The following DMBX1 variants were observed in gnomAD, a reference collection of about 807,000 sequenced individuals.
DMBX1 encodes diencephalon/mesencephalon homeobox protein 1.
Under a neutral mutation model 30.4 loss-of-function variants are expected in DMBX1, and 7 were observed. The ratio of observed to expected loss-of-function variants is 0.23; its 90% CI spans 0.13 to 0.43. The LOEUF (loss-of-function observed/expected upper bound fraction) is 0.43. Ranked by LOEUF, DMBX1 falls within the 20% of genes least tolerant of loss-of-function variation. The pLI is 1.00. For synonymous variants in DMBX1, 222 were observed against 214.2 expected (o/e 1.04, Z -0.32); for missense variants, 460 against 508.5 (o/e 0.90, Z 0.92).
In DMBX1 at chr1:46,510,494, G is replaced by A. The variant is rs776345689; in HGVS notation, c.173G>A (p.Arg58His). 5.9e-5 allele frequency: 95 copies of A among 1,613,832 alleles called. No individual in the cohort carries two copies. Among genetic ancestry groups the A allele is most frequent in the African/African-American group, 1.9e-4 (14 of 74,914 alleles). The change falls in exon 4 of 6, where the codon CGT becomes CAT. Residue 58 changes from arginine to histidine, a missense_variant. Arg to His is a conservative substitution (Grantham distance 29). This residue lies in a region of DMBX1 where 124 missense variants were observed against 144.0 expected (regional missense o/e 0.86). Coordinates refer to ENST00000360032, the MANE Select transcript of DMBX1 (RefSeq NM_172225.2). The surrounding 1 kb of genome is among the most constrained non-coding windows in gnomAD (Gnocchi z 4.1). ...TTTCAAGACATCATCTTGGAGGCCC[G>A]TTATGGTTCCCAGCACCGCAAACAA... ...ERLADIILEA[R>H]YGSQHRKQRR...
chr1:46,512,124 C>G lies in DMBX1; in HGVS notation c.764C>G (p.Pro255Arg), dbSNP rs760128987. The G allele has an allele frequency of 6.2e-7, 1 of 1,614,010 alleles. No individual in the cohort carries two copies. Among genetic ancestry groups the G allele is most frequent in the Non-Finnish European group, 8.5e-7 (1 of 1,179,982 alleles). The change falls in exon 6 of 6, where the codon CCG becomes CGG. Residue 255 changes from proline (P) to arginine (R), a missense_variant. Pro to Arg is a moderately radical substitution (Grantham distance 103). Transcript: ENST00000360032. This position sits in a 1 kb window ranked among gnomAD's most constrained non-coding sequence, Gnocchi z 4.8. The part of the protein sequence containing the change: ...LGPSHSYSSS[P>R]LSLFRLQEQF... ...CCCTCCCACTCCTATTCCTCGTCCC[C>G]GCTGAGCCTCTTCCGTCTGCAGGAG... is the stretch of plus-strand genomic sequence containing the variant.
In DMBX1 at chr1:46,515,757, G is replaced by C. The variant is rs1193104640; in HGVS notation, c.*3263G>C. 6.6e-6 allele frequency among the ~76,000 whole-genome samples: 1 copy of C among 152,220 alleles called. No individual in the cohort carries two copies. Among genetic ancestry groups the C allele is most frequent in the Non-Finnish European group, 1.5e-5 (1 of 68,032 alleles). On this transcript the variant is annotated 3_prime_UTR_variant, in exon 6 of 6. Transcript: ENST00000360032. Reference sequence around the variant, plus strand: ...TACAGGCCCACCACACCTGATGCTGGAGCCCCTCCCAGGCCTGCTGGGCCA... The same window carrying C: ...TACAGGCCCACCACACCTGATGCTGCAGCCCCTCCCAGGCCTGCTGGGCCA...
chr1:46,507,191 G>C, intron 3 of DMBX1, 27 bp downstream of exon 3: 1 of 1,612,974 alleles, frequency 6.2e-7, no homozygotes, highest in Non-Finnish European at 8.5e-7. Context: ...TGGGACCATG[G>C]GGACAGGACT....
chr1:46,494,617 AT>A (rs1665994645), intron 2 of DMBX1, among the ~76,000 whole-genome samples: 3 of 152,132 alleles, frequency 2.0e-5, no homozygotes, highest in African/African-American at 7.2e-5. Flanking sequence ...TTCTTCTCCT[AT>A]CCACTGGGCC....
At chr1:46,509,632 C>T (rs1161125201) in intron 3 of DMBX1, among the ~76,000 whole-genome samples, 1 of 152,136 alleles carries the variant, frequency 6.6e-6, no homozygotes, top group Non-Finnish European at 1.5e-5. Flanking sequence ...GGGTGGTTAT[C>T]ATGTTACCAG....
intron 2 of DMBX1, among the ~76,000 whole-genome samples, chr1:46,506,151 A>G (rs1666232088): frequency 6.6e-6 from 1 of 152,116 alleles, no homozygotes; most frequent in Non-Finnish European, 1.5e-5. Context: ...TCCGCCTCCC[A>G]GGTTCAAGCA....
Position 46,510,714 on chromosome 1 carries a change from G to T in DMBX1, c.333+60G>T. ...CAAACACCAGCCCATCAGTCTGCCC[G>T]CTTGTCCAGGAGCCAGCATGTCATC... On this transcript the variant is annotated intron_variant, in intron 4 of 5. Transcript: ENST00000360032. This position sits in a 1 kb window ranked among gnomAD's most constrained non-coding sequence, Gnocchi z 4.1. The T allele has an allele frequency of 1.3e-6, 2 of 1,559,280 alleles. No homozygotes were observed. The highest frequency in any genetic ancestry group is 1.7e-6 in the Non-Finnish European group (2 of 1,150,958).
rs1310861632 is a variant in DMBX1 at position 46,510,133 on chromosome 1, T to C, written c.155-343T>C. On this transcript the variant is annotated intron_variant, in intron 3 of 5. Coordinates refer to ENST00000360032, the MANE Select transcript of DMBX1 (RefSeq NM_172225.2). This position sits in a 1 kb window ranked among gnomAD's most constrained non-coding sequence, Gnocchi z 4.1. ...ATGGACTTACAGATTATTAGCATCATGGAGTCTCAAAGTATACTCATAGTA... is the reference window on the plus strand; with the variant it reads ...ATGGACTTACAGATTATTAGCATCACGGAGTCTCAAAGTATACTCATAGTA... Among the ~76,000 whole-genome samples, 2 of 152,206 alleles carry C rather than the reference T, an allele frequency of 1.3e-5. No homozygotes were observed. Among genetic ancestry groups the C allele is most frequent in the Non-Finnish European group, 2.9e-5 (2 of 68,044 alleles).
At chr1:46,507,215 G>T in intron 3 of DMBX1, 51 bp downstream of exon 3, 1 of 1,601,308 alleles carries the variant, frequency 6.2e-7, no homozygotes, top group Non-Finnish European at 8.5e-7. Flanking sequence ...GGGGTTGGGG[G>T]AGAAGGCTCT....
Position 46,510,953 on chromosome 1 carries a change from C to T in DMBX1, c.352C>T (p.Arg118Trp), listed in dbSNP as rs730882203. ...ARVQVWFKNR[R>W]AKFRKKQRSL... is the part of the protein sequence containing the mutation. ...TCCCCAGGTGTGGTTCAAGAACCGCCGGGCCAAGTTCCGGAAGAAGCAGCG... is the reference window on the plus strand; with the variant it reads ...TCCCCAGGTGTGGTTCAAGAACCGCTGGGCCAAGTTCCGGAAGAAGCAGCG... Residue 118 changes from arginine (R) to tryptophan (W), a missense_variant, in exon 5 of 6, where the codon CGG becomes TGG. This residue lies in a region of DMBX1 where 334 missense variants were observed against 345.1 expected (regional missense o/e 0.97). Coordinates refer to ENST00000360032, the MANE Select transcript of DMBX1 (RefSeq NM_172225.2). This position sits in a 1 kb window ranked among gnomAD's most constrained non-coding sequence, Gnocchi z 4.1. 6 of 1,606,712 alleles carry T rather than the reference C, an allele frequency of 3.7e-6. No homozygotes were observed. The highest frequency in any genetic ancestry group is 1.1e-5 in the South Asian group (1 of 90,234).
intron 2 of DMBX1, among the ~76,000 whole-genome samples, chr1:46,502,317 C>G (rs1017782670): frequency 6.6e-6 from 1 of 152,150 alleles, no homozygotes; most frequent in African/African-American, 2.4e-5. Flanking sequence ...CAGGAAAAGA[C>G]CCATCTTCAC....
chr1:46,512,191 C>T lies in DMBX1; in HGVS notation c.831C>T (p.His277=). 4 of 1,614,096 alleles carry T rather than the reference C, an allele frequency of 2.5e-6. No homozygotes were observed. The highest frequency in any genetic ancestry group is 3.4e-6 in the Non-Finnish European group (4 of 1,179,986). The change falls in exon 6 of 6, where the codon CAC becomes CAT. Residue 277 remains histidine (H), a synonymous_variant. Transcript: ENST00000360032. The surrounding 1 kb of genome is among the most constrained non-coding windows in gnomAD (Gnocchi z 4.8). ...TGGCGGCCACCAACAACCTGGTGCA[C>T]TACTCGTCCTTCGAAGTAGGGGGTC... The part of the protein sequence containing the change: ...QHMAATNNLV[H]YSSFEVGGPA...
Position 46,510,680 on chromosome 1 carries a change from C to T in DMBX1, c.333+26C>T. On this transcript the variant is annotated intron_variant, in intron 4 of 5. Transcript: ENST00000360032. The surrounding 1 kb of genome is among the most constrained non-coding windows in gnomAD (Gnocchi z 4.1). ...GTAGGGCCCAACTCTCCTAACTAGG[C>T]CTTGCAGACAAACACCAGCCCATCA... 6.2e-7 allele frequency: 1 copy of T among 1,603,632 alleles called. No homozygotes were observed. Among genetic ancestry groups the T allele is most frequent in the Non-Finnish European group, 8.5e-7 (1 of 1,174,308 alleles).
In DMBX1 at chr1:46,516,030, C is replaced by G. The variant is rs746878; in HGVS notation, c.*3536C>G. 0.18 allele frequency among the ~76,000 whole-genome samples: 28,063 copies of G among 152,194 alleles called. 3,509 individuals are homozygous for G. The highest frequency in any genetic ancestry group is 0.29 in the Non-Finnish European group (19,398 of 67,980). On this transcript the variant is annotated 3_prime_UTR_variant, in exon 6 of 6. Transcript: ENST00000360032. The stretch of plus-strand genomic sequence containing the variant: ...CAGCCCATGGCAAAGACACTGTGTA[C>G]TGTATTTATTTATTCTGTTAGTGGA...
intron 2 of DMBX1, among the ~76,000 whole-genome samples, chr1:46,492,602 A>G (rs1173478485): frequency 6.6e-6 from 1 of 152,156 alleles, no homozygotes; most frequent in South Asian, 2.1e-4. Context: ...CCAGAGGCGC[A>G]GTCCCCTATG....
At chr1:46,508,807 C>G (rs537549133) in intron 3 of DMBX1, among the ~76,000 whole-genome samples, 5 of 150,442 alleles carry the variant, frequency 3.3e-5, no homozygotes, top group African/African-American at 1.2e-4. Flanking sequence ...GACACCTACA[C>G]GCCCCCCACC....
At chr1:46,496,677 A>G (rs999737750) in intron 2 of DMBX1, among the ~76,000 whole-genome samples, 1 of 152,264 alleles carries the variant, frequency 6.6e-6, no homozygotes, top group African/African-American at 2.4e-5. Context: ...CACATGAACG[A>G]ATCCCTCCTT....
chr1:46,504,969 C>T (rs898174166), intron 2 of DMBX1, among the ~76,000 whole-genome samples: 1 of 152,094 alleles, frequency 6.6e-6, no homozygotes, highest in African/African-American at 2.4e-5. Flanking sequence ...CAAAAGAAGA[C>T]ATTTATGCAG....
Position 46,510,465 on chromosome 1 carries a change from T to C in DMBX1, c.155-11T>C. ...CCCTCTCCTTGCCCTCCAACGGCTG[T>C]ACATTTCAAGACATCATCTTGGAGG... On this transcript the variant is annotated splice_polypyrimidine_tract_variant and intron_variant, in intron 3 of 5. Coordinates refer to ENST00000360032, the MANE Select transcript of DMBX1 (RefSeq NM_172225.2). The surrounding 1 kb of genome is among the most constrained non-coding windows in gnomAD (Gnocchi z 4.1). The C allele has an allele frequency of 6.2e-7, 1 of 1,613,034 alleles. No individual in the cohort carries two copies. The highest frequency in any genetic ancestry group is 8.5e-7 in the Non-Finnish European group (1 of 1,179,658).
Sources: gnomAD v4.1 joint callset for allele counts (sites outside exome capture counted in the v4.1 genomes callset) on GRCh38, gnomAD v4.1.1 for gene constraint, gnomAD v4.1.1 regional missense constraint, Gnocchi (gnomAD v3.1) non-coding constraint, MANE v1.5 for transcripts, NCBI Gene and HGNC (gene_info 2026-07-23, HGNC 2026-07-21) for gene names.